The following CHL1 variants were observed in gnomAD, a reference collection of about 807,000 sequenced individuals.
CHL1 encodes neural cell adhesion molecule L1-like protein.
Under a neutral mutation model 141.9 loss-of-function variants are expected in CHL1, and 96 were observed. The observed-to-expected ratio is 0.68, with a 90% CI of 0.57 to 0.80. CHL1 has a LOEUF of 0.80. Among genes scored for constraint, CHL1 ranks in the 30% least tolerant of loss-of-function variants. CHL1 has a pLI of 0.00. For synonymous variants in CHL1, 613 were observed against 502.2 expected (o/e 1.22, Z -2.95); for missense variants, 1,820 against 1,457.2 (o/e 1.25, Z -4.05).
chr3:264,743 G>T (rs1574903600), intron 2 of CHL1, among the ~76,000 whole-genome samples: 1 of 152,190 alleles, frequency 6.6e-6, no homozygotes. Context: ...TAGAGTTGTA[G>T]GAGAAATGTG....
At chr3:277,576 C>T (rs760803820) in intron 2 of CHL1, among the ~76,000 whole-genome samples, 26 of 152,142 alleles carry the variant, frequency 1.7e-4, no homozygotes, top group Admixed American at 2.6e-4. Context: ...AAACTATACT[C>T]ACTGTACTTG....
In CHL1 at chr3:354,785, C is replaced by T. The variant is rs576016143; in HGVS notation, c.1165+14C>T. Reference sequence around the variant, plus strand: ...CCCCAGTTGACAGTAAGTTTAAAAACCAATTGCAATGCAATGCTGAAGGCC... The same window carrying T: ...CCCCAGTTGACAGTAAGTTTAAAAATCAATTGCAATGCAATGCTGAAGGCC... On this transcript the variant is annotated intron_variant, in intron 11 of 27. Transcript: ENST00000256509. 6.2e-7 allele frequency: 1 copy of T among 1,612,824 alleles called. No homozygotes were observed. The highest frequency in any genetic ancestry group is 2.2e-5 in the East Asian group (1 of 44,850).
intron 8 of CHL1, 40 bp from the exon 9 acceptor site, chr3:344,549 T>C: frequency 6.5e-7 from 1 of 1,533,642 alleles, no homozygotes; most frequent in Non-Finnish European, 8.9e-7. Flanking sequence ...TTATGTATAT[T>C]AATTTGAAAA....
chr3:324,512 G>T (rs1700844463), intron 3 of CHL1, among the ~76,000 whole-genome samples: 1 of 152,068 alleles, frequency 6.6e-6, no homozygotes. Flanking sequence ...AATCCAAGTT[G>T]TATTTCCAGC....
At chr3:326,115 T>C (rs1239760358) in intron 4 of CHL1, 51 bp downstream of exon 4, 4 of 1,096,548 alleles carry the variant, frequency 3.6e-6, no homozygotes, top group Non-Finnish European at 5.5e-6. Context: ...CTGTTCTTTA[T>C]GCTGCTCTTT....
intron 26 of CHL1, among the ~76,000 whole-genome samples, chr3:400,923 A>T (rs1438369403): frequency 2.7e-5 from 2 of 73,750 alleles, no homozygotes; most frequent in African/African-American, 4.0e-5. Context: ...TTTTTTTGAG[A>T]CAAGGTCTTG....
intron 9 of CHL1, among the ~76,000 whole-genome samples, chr3:347,903 G>A (rs1041070266): frequency 1.1e-4 from 16 of 152,164 alleles, no homozygotes; most frequent in African/African-American, 3.9e-4. Flanking sequence ...TAGTGTTTGA[G>A]GCTTGAAGGA....
At chr3:229,885 C>T (rs535981005) in intron 1 of CHL1, among the ~76,000 whole-genome samples, 80 of 152,274 alleles carry the variant, frequency 5.3e-4, no homozygotes, top group African/African-American at 1.9e-3. Context: ...TCAGCCTTCA[C>T]GAGATAAAAT....
intron 25 of CHL1, among the ~76,000 whole-genome samples, chr3:398,590 C>A (rs1187438390): frequency 3.3e-5 from 5 of 152,102 alleles, no homozygotes; most frequent in Non-Finnish European, 5.9e-5. Flanking sequence ...TTTGTTTTTA[C>A]TAGAGTTGTT....
rs369831210 is a variant in CHL1, at chr3:303,709, A to G, written c.-94-15974A>G. ...ACAATTTGACTTCCTATTTGAATACACTTTATTTCTTTCTCTTGCCTGATT... is the reference window on the plus strand; with the variant it reads ...ACAATTTGACTTCCTATTTGAATACGCTTTATTTCTTTCTCTTGCCTGATT... On this transcript the variant is annotated intron_variant, in intron 2 of 27. Transcript: ENST00000256509. 1.1e-4 allele frequency among the ~76,000 whole-genome samples: 16 copies of G among 151,586 alleles called. No homozygotes were observed. In the South Asian group the frequency reaches 1.5e-3, roughly 14 times the overall value.
intron 2 of CHL1, among the ~76,000 whole-genome samples, chr3:268,367 C>T (rs1695337868): frequency 1.3e-5 from 2 of 151,790 alleles, no homozygotes; most frequent in South Asian, 4.2e-4. Context: ...AATCCTGTCT[C>T]TACTAAAAAA....
At chr3:223,143 T>A (rs188415903) in intron 1 of CHL1, among the ~76,000 whole-genome samples, 161 of 152,254 alleles carry the variant, frequency 1.1e-3, no homozygotes, top group Non-Finnish European at 2.0e-3. Flanking sequence ...GACACGAACA[T>A]CTTTGGGGTT....
intron 2 of CHL1, among the ~76,000 whole-genome samples, chr3:245,100 G>A (rs748108812): frequency 6.6e-6 from 1 of 152,122 alleles, no homozygotes; most frequent in East Asian, 1.9e-4. Flanking sequence ...TTTTCAGGGG[G>A]TTAACAGAGC....
intron 5 of CHL1, among the ~76,000 whole-genome samples, chr3:338,419 G>C (rs1477333387): frequency 6.6e-6 from 1 of 152,132 alleles, no homozygotes; most frequent in Non-Finnish European, 1.5e-5. Context: ...AAATGCCACT[G>C]GTTGGATTTA....
At chr3:401,838 AG>A (rs1407420970) in intron 27 of CHL1, 140 bp downstream of exon 27, 3 of 522,100 alleles carry the variant, frequency 5.7e-6, no homozygotes, top group African/African-American at 2.0e-5. Flanking sequence ...TTGTACAAAT[AG>A]GGCCCACTTA....
At chr3:296,311 T>G (rs1043693641) in intron 2 of CHL1, among the ~76,000 whole-genome samples, 6 of 152,186 alleles carry the variant, frequency 3.9e-5, no homozygotes, top group Admixed American at 6.5e-5. Context: ...AAAACTGAAC[T>G]CAAGCTACCT....
intron 16 of CHL1, among the ~76,000 whole-genome samples, chr3:378,632 C>G (rs947777537): frequency 2.0e-5 from 3 of 152,190 alleles, no homozygotes; most frequent in Non-Finnish European, 4.4e-5. Flanking sequence ...ACAACATCAG[C>G]AAACCACTTT....
At chr3:367,993 A>G (rs1705124526) in intron 15 of CHL1, among the ~76,000 whole-genome samples, 2 of 152,148 alleles carry the variant, frequency 1.3e-5, no homozygotes, top group Admixed American at 6.5e-5. Context: ...TATCCAGCCT[A>G]CCACTGATGG....
intron 2 of CHL1, among the ~76,000 whole-genome samples, chr3:252,385 T>TATAG (rs1693783651): frequency 7.1e-6 from 1 of 140,410 alleles, no homozygotes; most frequent in East Asian, 2.1e-4. Context: ...TATATATATA[T>TATAG]ATATATATAT....
Sources: allele counts gnomAD v4.1 joint callset (sites outside exome capture counted in the v4.1 genomes callset), GRCh38; gene constraint gnomAD v4.1.1; transcripts MANE v1.5; gene names NCBI Gene and HGNC (gene_info 2026-07-23, HGNC 2026-07-21).